SVEP1: variants seen among roughly 807,000 people sequenced by gnomAD.
SVEP1 encodes the protein sushi, von Willebrand factor type A, EGF and pentraxin domain containing 1.
In SVEP1, 164 loss-of-function variants were observed where a neutral mutation model predicts 367.3. The ratio of observed to expected loss-of-function variants is 0.45; its 90% CI spans 0.39 to 0.51. The LOEUF is 0.51. Among genes scored for constraint, SVEP1 ranks in the 20% least tolerant of loss-of-function variants. SVEP1 has a pLI of 0.00. For synonymous variants in SVEP1, 1,666 were observed against 1,611.6 expected, an observed-to-expected ratio of 1.03 and a Z score of -0.81; for missense variants, 4,117 against 4,425.3, an observed-to-expected ratio of 0.93 and a Z score of 1.98.
At chr9:110,447,818 T>C (rs1335060559) in intron 24 of SVEP1, among the ~76,000 whole-genome samples, 1 of 152,190 alleles carries the variant, frequency 6.6e-6, no homozygotes, top group East Asian at 1.9e-4. Flanking sequence ...TCATTCTAAA[T>C]GTCTATGGAG....
intron 3 of SVEP1, among the ~76,000 whole-genome samples, chr9:110,520,375 T>C (rs1829861629): frequency 6.6e-6 from 1 of 152,192 alleles, no homozygotes; most frequent in Non-Finnish European, 1.5e-5. Context: ...TATGAATTGT[T>C]TTCCCTTTTT....
intron 3 of SVEP1, among the ~76,000 whole-genome samples, chr9:110,530,272 A>T (rs1356373551): frequency 6.6e-6 from 1 of 152,104 alleles, no homozygotes; most frequent in Admixed American, 6.6e-5. Context: ...ATTTTGGTAA[A>T]GATTTTTGCA....
At chr9:110,504,215 C>T (rs1455758480) in intron 5 of SVEP1, among the ~76,000 whole-genome samples, 1 of 117,852 alleles carries the variant, frequency 8.5e-6, no homozygotes. Context: ...CTACCACGCC[C>T]GGCTATTTTT....
chr9:110,555,926 T>C (rs966480896), intron 1 of SVEP1, among the ~76,000 whole-genome samples: 1 of 152,354 alleles, frequency 6.6e-6, no homozygotes, highest in African/African-American at 2.4e-5. Flanking sequence ...GTTTGTGGAA[T>C]GTATTAGAAG....
rs139623619 is a variant in SVEP1 at position 110,438,403 on chromosome 9, G to A, written c.4640-1899C>T. On this transcript the variant is annotated intron_variant, in intron 27 of 47. Transcript: ENST00000374469. ...ATGGGGTTTCGCCCACCCTCACCAC[G>A]CATGTTGATCAGGCTGGTCTCCAAC... 2.7e-3 allele frequency among the ~76,000 whole-genome samples: 409 copies of A among 151,806 alleles called. 4 individuals carry two copies. The highest frequency in any genetic ancestry group is 9.3e-3 in the African/African-American group (386 of 41,418).
chr9:110,448,822 T>C (rs148725277), intron 24 of SVEP1, among the ~76,000 whole-genome samples: 1 of 152,336 alleles, frequency 6.6e-6, no homozygotes, highest in Non-Finnish European at 1.5e-5. Flanking sequence ...GAGAAAGTGA[T>C]GCTACATGAT....
At chr9:110,376,939 A>G (rs1267155983) in intron 45 of SVEP1, 10 of 190,840 alleles carry the variant, frequency 5.2e-5, no homozygotes, top group Admixed American at 1.7e-4. Context: ...TGCAGCAATG[A>G]CTGACATAGC....
At position 110,481,436 on chromosome 9, in the gene SVEP1, C is replaced by T; in HGVS notation, c.2171G>A (p.Gly724Asp). The T allele has an allele frequency of 6.4e-7, 1 of 1,564,134 alleles. No individual in the cohort carries two copies. The highest frequency in any genetic ancestry group is 2.3e-5 in the East Asian group (1 of 43,888). Residue 724 changes from glycine to aspartate, a missense_variant and splice_region_variant, in exon 12 of 48, where the codon GGT becomes GAT. Gly to Asp is a moderately conservative substitution (Grantham distance 94). Transcript: ENST00000374469. ...RTCDIHIVIK[G>D]SPCEIPFTPV... ...TGTGAATGGAATTTCACAGGGAGAA[C>T]CTGTGTAAAAAAAATTGTACTATTC...
rs1828039381 is a variant in SVEP1, at chr9:110,411,223, C to T, written c.6488G>A (p.Ser2163Asn). ...MNGYASGSNY[S>N]FGAMVAYSCN... is the part of the protein sequence containing the mutation. ...GCTGTAAGCCACCATGGCTCCAAAA[C>T]TGTAGTTTGATCCACTTGCATAGCC... Residue 2163 changes from serine (S) to asparagine (N), a missense_variant, in exon 37 of 48, where the codon AGT becomes AAT. Ser to Asn is a conservative substitution (Grantham distance 46). This residue lies in a region of SVEP1 where 1,765 missense variants were observed against 1,781.1 expected (regional missense o/e 0.99). Coordinates refer to ENST00000374469, the MANE Select transcript of SVEP1 (RefSeq NM_153366.4). The T allele has an allele frequency of 1.2e-6, 2 of 1,613,922 alleles. No individual in the cohort carries two copies. The highest frequency in any genetic ancestry group is 2.7e-5 in the African/African-American group (2 of 74,946).
At chr9:110,453,733 G>T (rs1387823025) in intron 22 of SVEP1, among the ~76,000 whole-genome samples, 1 of 152,012 alleles carries the variant, frequency 6.6e-6, no homozygotes, top group Non-Finnish European at 1.5e-5. Context: ...GCCGGGCATG[G>T]TGGCATGCGC....
At chr9:110,489,899 A>C (rs1451706720) in intron 8 of SVEP1, 120 bp from the exon 9 acceptor site, 1 of 1,229,764 alleles carries the variant, frequency 8.1e-7, no homozygotes, top group Non-Finnish European at 1.1e-6. Flanking sequence ...GGAAAGGAAA[A>C]AGGCACAGCT....
At chr9:110,512,882 A>G in intron 5 of SVEP1, 44 bp downstream of exon 5, 1 of 1,608,348 alleles carries the variant, frequency 6.2e-7, no homozygotes, top group Non-Finnish European at 8.5e-7. Context: ...CAAGGAAATC[A>G]GGCAAGACAG....
In SVEP1 at chr9:110,407,166, T is replaced by G. The variant is rs981545408; in HGVS notation, c.8434A>C (p.Arg2812=). ...DPGYVLNGTE[R]RTCQDDKNWD... is the part of the protein sequence containing the mutation. Reference sequence around the variant, plus strand: ...TTTTTGTCATCCTGGCATGTTCTCCTCTCAGTGCCATTCAGCACATATCCG... The same window carrying G: ...TTTTTGTCATCCTGGCATGTTCTCCGCTCAGTGCCATTCAGCACATATCCG... Residue 2812 remains arginine, a synonymous_variant, in exon 38 of 48, where the codon AGG becomes CGG. Coordinates refer to ENST00000374469, the MANE Select transcript of SVEP1 (RefSeq NM_153366.4). 1 of 1,613,900 alleles carries G rather than the reference T, an allele frequency of 6.2e-7. No individual in the cohort carries two copies. The highest frequency in any genetic ancestry group is 1.3e-5 in the African/African-American group (1 of 74,930).
In SVEP1 at chr9:110,406,611, C is replaced by T. The variant is rs755739869; in HGVS notation, c.8989G>A (p.Gly2997Ser). The T allele has an allele frequency of 2.5e-6, 4 of 1,613,894 alleles. No individual in the cohort carries two copies. The highest frequency in any genetic ancestry group is 2.5e-6 in the Non-Finnish European group (3 of 1,179,878). The change falls in exon 38 of 48, where the codon GGC becomes AGC. Residue 2997 changes from glycine to serine, a missense_variant. By Grantham distance (56) the Gly-to-Ser change is moderately conservative. Coordinates refer to ENST00000374469, the MANE Select transcript of SVEP1 (RefSeq NM_153366.4). ...RRCLSNGSWS[G>S]SSPSCLPCRC... ...CAAGGCAGGCAGGAAGGTGAGCTGC[C>T]ACTCCAGGAGCCATTGGAGAGGCAC...
chr9:110,550,083 C>T lies in SVEP1; in HGVS notation c.553G>A (p.Glu185Lys), dbSNP rs1444054792. The change falls in exon 2 of 48, where the codon GAA becomes AAA. Residue 185 changes from glutamate (E) to lysine (K), a missense_variant. This residue lies in a region of SVEP1 where 2,174 missense variants were observed against 2,494.3 expected (regional missense o/e 0.87). Transcript: ENST00000374469. ...QAAQILLHAR[E>K]NSTKVVFLIT... is the part of the protein sequence containing the mutation. Reference sequence around the variant, plus strand: ...AGAAATACAACTTTTGTTGAGTTTTCTCTAGCATGAAGAAGAATTTGCTGT... The same window carrying T: ...AGAAATACAACTTTTGTTGAGTTTTTTCTAGCATGAAGAAGAATTTGCTGT... 35 of 1,613,914 alleles carry T rather than the reference C, an allele frequency of 2.2e-5. No individual in the cohort carries two copies. Among genetic ancestry groups the T allele is most frequent in the Non-Finnish European group, 3.0e-5 (35 of 1,179,794 alleles).
At chr9:110,458,883 A>T in intron 19 of SVEP1, 69 bp downstream of exon 19, 1 of 1,548,028 alleles carries the variant, frequency 6.5e-7, no homozygotes, top group African/African-American at 1.4e-5. Flanking sequence ...TCAGAACTGA[A>T]GCTACAACAG....
chr9:110,437,049 G>A (rs574881592), intron 27 of SVEP1, among the ~76,000 whole-genome samples: 1 of 152,262 alleles, frequency 6.6e-6, no homozygotes, highest in East Asian at 1.9e-4. Flanking sequence ...TGGACAGTCT[G>A]TGTCTGCACT....
intron 11 of SVEP1, 36 bp downstream of exon 11, chr9:110,482,324 TG>T (rs751941710): frequency 6.3e-7 from 1 of 1,598,454 alleles, no homozygotes; most frequent in Non-Finnish European, 8.5e-7. Flanking sequence ...ATGTGTCAAA[TG>T]TCAACTAGAA....
At chr9:110,475,244 T>C (rs992561942) in intron 14 of SVEP1, among the ~76,000 whole-genome samples, 2 of 152,168 alleles carry the variant, frequency 1.3e-5, no homozygotes, top group African/African-American at 2.4e-5. Context: ...ATGACTAGTA[T>C]TCGAAATGGA....
Sources: gnomAD v4.1 joint callset for allele counts (sites outside exome capture counted in the v4.1 genomes callset) on GRCh38, gnomAD v4.1.1 for gene constraint, gnomAD v4.1.1 regional missense constraint, MANE v1.5 for transcripts, NCBI Gene and HGNC (gene_info 2026-07-23, HGNC 2026-07-21) for gene names.